The following ABCA4 variants were observed in gnomAD, a reference collection of about 807,000 sequenced individuals.
ABCA4 encodes the protein retinal-specific phospholipid-transporting ATPase ABCA4.
A neutral mutation model predicts 263.7 loss-of-function variants in ABCA4; 196 were observed. The observed-to-expected ratio is 0.74, with a 90% CI of 0.66 to 0.84. ABCA4 has a LOEUF of 0.84. Among genes scored for constraint, ABCA4 ranks in the 40% least tolerant of loss-of-function variants. ABCA4 has a pLI of 0.00. For missense variants in ABCA4, 2,792 were observed against 2,855.1 expected (o/e 0.98, Z 0.50); for synonymous variants, 1,133 against 1,094.2 (o/e 1.04, Z -0.70).
intron 1 of ABCA4, among the ~76,000 whole-genome samples, chr1:94,114,510 G>A (rs976470624): frequency 6.6e-6 from 1 of 151,190 alleles, no homozygotes; most frequent in Non-Finnish European, 1.5e-5. Context: ...TTTTTGAGAC[G>A]GAGTCTCACT....
At chr1:94,088,124 C>G (rs901386380) in intron 6 of ABCA4, among the ~76,000 whole-genome samples, 1 of 152,210 alleles carries the variant, frequency 6.6e-6, no homozygotes, top group Non-Finnish European at 1.5e-5. Flanking sequence ...TACTAAGATG[C>G]TTTATCAAGA....
intron 20 of ABCA4, among the ~76,000 whole-genome samples, chr1:94,043,805 G>A (rs530566304): frequency 6.6e-6 from 1 of 151,858 alleles, no homozygotes; most frequent in Non-Finnish European, 1.5e-5. Context: ...TTATAAAATT[G>A]TATGCATAGT....
intron 11 of ABCA4, among the ~76,000 whole-genome samples, chr1:94,075,280 T>C (rs976976689): frequency 1.3e-5 from 2 of 151,984 alleles, no homozygotes; most frequent in Non-Finnish European, 1.5e-5. Flanking sequence ...CATATACCTA[T>C]GTAACAAACC....
intron 20 of ABCA4, among the ~76,000 whole-genome samples, chr1:94,044,096 TCCTTCCTTCCTTCCTTCCTTCCTTCCTC>T (rs1660602135): frequency 8.9e-5 from 1 of 11,260 alleles, no homozygotes; most frequent in Non-Finnish European, 4.4e-3. Flanking sequence ...CTCCCTTCTT[TCCTTCCTTCCTTCCTTCCTTCCTTCCTC>T]CCTTCCTTCC....
intron 8 of ABCA4, 102 bp downstream of exon 8, chr1:94,080,376 C>G: frequency 6.5e-7 from 1 of 1,530,858 alleles, no homozygotes; most frequent in Non-Finnish European, 9.0e-7. Flanking sequence ...CTCAGCAAGA[C>G]AAGACAGATG....
At chr1:94,054,866 A>T (rs1404491756) in intron 16 of ABCA4, among the ~76,000 whole-genome samples, 1 of 152,144 alleles carries the variant, frequency 6.6e-6, no homozygotes, top group Admixed American at 6.5e-5. Flanking sequence ...GGGAGGTGGT[A>T]GTGGAAGGAA....
intron 45 of ABCA4, 135 bp from the exon 46 acceptor site, chr1:94,001,240 G>C (rs1046843409): frequency 1.0e-5 from 7 of 703,042 alleles, no homozygotes; most frequent in Middle Eastern, 3.8e-4. Context: ...ACTTGAGCAA[G>C]ACAGGGGTAC....
chr1:94,036,847 T>G (rs945059458), intron 25 of ABCA4, 59 bp from the exon 26 acceptor site: 45 of 1,542,078 alleles, frequency 2.9e-5, no homozygotes, highest in Non-Finnish European at 3.9e-5. Context: ...CAGAAAAATC[T>G]AACCCAAGCT....
chr1:94,042,639 C>G lies in ABCA4; in HGVS notation c.3328+122G>C, dbSNP rs1660523665. 7 of 1,362,684 alleles carry G rather than the reference C, an allele frequency of 5.1e-6. No individual in the cohort carries two copies. The East Asian group carries it at 1.7e-4, about 32-fold the overall frequency. 84.4% of individuals were successfully genotyped at this position (1,362,684 alleles called of 1,614,324 possible). On this transcript the variant is annotated intron_variant, in intron 22 of 49. Transcript: ENST00000370225. Reference sequence around the variant, plus strand: ...AGATTCACCAAGTCACTGATAAACCCCCTTCTGAGTGTAGTCATTGTGGTT... The same window carrying G: ...AGATTCACCAAGTCACTGATAAACCGCCTTCTGAGTGTAGTCATTGTGGTT...
chr1:94,096,616 A>G (rs967828817), intron 6 of ABCA4, among the ~76,000 whole-genome samples: 1 of 152,152 alleles, frequency 6.6e-6, no homozygotes, highest in East Asian at 1.9e-4. Flanking sequence ...AGACGTAAGG[A>G]AAGACTTGGT....
At chr1:94,072,333 A>G (rs1255699015) in intron 11 of ABCA4, among the ~76,000 whole-genome samples, 1 of 152,256 alleles carries the variant, frequency 6.6e-6, no homozygotes, top group Non-Finnish European at 1.5e-5. Context: ...TGCCTTGATC[A>G]GAGGTATTTT....
intron 11 of ABCA4, among the ~76,000 whole-genome samples, chr1:94,071,224 C>T (rs1219016774): frequency 6.6e-6 from 1 of 152,176 alleles, no homozygotes; most frequent in African/African-American, 2.4e-5. Context: ...TCCAAGGAAT[C>T]AGGGATTAAC....
At chr1:94,108,116 A>G (rs910920296) in intron 4 of ABCA4, among the ~76,000 whole-genome samples, 4 of 152,216 alleles carry the variant, frequency 2.6e-5, no homozygotes, top group Admixed American at 6.5e-5. Flanking sequence ...GAGAAATAGT[A>G]CAATTATGCA....
chr1:94,018,506 G>A (rs1659799714), intron 36 of ABCA4: 21 of 452,872 alleles, frequency 4.6e-5, no homozygotes, highest in South Asian at 3.3e-4. Flanking sequence ...GTTTTGTATT[G>A]TTAAGTGATA....
intron 6 of ABCA4, among the ~76,000 whole-genome samples, chr1:94,088,736 A>C (rs1351057497): frequency 6.6e-6 from 1 of 152,160 alleles, no homozygotes; most frequent in East Asian, 1.9e-4. Flanking sequence ...GGACATCTGA[A>C]AGGCTACTTT....
In ABCA4 at chr1:94,001,117, A is replaced by C. The variant is rs1480633686; in HGVS notation, c.6283-12T>G. 8 of 1,609,290 alleles carry C rather than the reference A, an allele frequency of 5.0e-6. No individual in the cohort carries two copies. In the Admixed American group the frequency reaches 1.3e-4, roughly 27 times the overall value. On this transcript the variant is annotated splice_polypyrimidine_tract_variant and intron_variant, in intron 45 of 49. Coordinates refer to ENST00000370225, the MANE Select transcript of ABCA4 (RefSeq NM_000350.3). ...GTGGTGGGCTCATCCTGGGGGGTGG[A>C]GAGAAGGTTGGGGGCACAGGCTGGG... is the stretch of plus-strand genomic sequence containing the variant.
chr1:94,029,292 C>A (rs1005181039), intron 30 of ABCA4, among the ~76,000 whole-genome samples, 153 bp downstream of exon 30: 1 of 152,144 alleles, frequency 6.6e-6, no homozygotes, highest in East Asian at 1.9e-4. Context: ...CTGTGGGGAG[C>A]CCCTCCCAGA....
chr1:94,054,482 AC>A (rs1419956738), intron 16 of ABCA4, among the ~76,000 whole-genome samples: 1 of 152,180 alleles, frequency 6.6e-6, no homozygotes, highest in Non-Finnish European at 1.5e-5. Context: ...TTGAACAGAG[AC>A]CTTAACAAAG....
intron 14 of ABCA4, 36 bp downstream of exon 14, chr1:94,060,501 A>C (rs1457905303): frequency 6.3e-7 from 1 of 1,590,544 alleles, no homozygotes. Flanking sequence ...GAACCAAAGT[A>C]TTCAAGATTT....
Sources: gnomAD v4.1 joint callset for allele counts (sites outside exome capture counted in the v4.1 genomes callset) on GRCh38, gnomAD v4.1.1 for gene constraint, MANE v1.5 for transcripts, NCBI Gene and HGNC (gene_info 2026-07-23, HGNC 2026-07-21) for gene names.